Variants in ZBP1 observed in about 807,000 individuals in gnomAD.
ZBP1 encodes Z-DNA-binding protein 1.
In ZBP1, 42 loss-of-function variants were observed where a neutral mutation model predicts 41.1. The observed-to-expected ratio is 1.02, with a 90% CI of 0.80 to 1.32. The LOEUF is 1.32. ZBP1 is among the 40% of genes most tolerant of loss of function. The pLI is 0.00. For missense variants in ZBP1, 562 were observed against 549.7 expected, an observed-to-expected ratio of 1.02 and a Z score of -0.22; for synonymous variants, 214 against 205.2, an observed-to-expected ratio of 1.04 and a Z score of -0.37.
Position 57,610,568 on chromosome 20 carries a change from T to C in ZBP1, c.875-201A>G. 1 of 612,648 alleles carries C rather than the reference T, an allele frequency of 1.6e-6. No homozygotes were observed. Among genetic ancestry groups the C allele is most frequent in the Non-Finnish European group, 2.9e-6 (1 of 346,584 alleles). 38.0% of individuals were successfully genotyped at this position (612,648 alleles called of 1,614,324 possible). A position where few individuals can be genotyped will look rare whatever the true frequency, so the allele number is the denominator to read the frequency against. On this transcript the variant is annotated intron_variant, in intron 6 of 7. Transcript: ENST00000371173. The surrounding 1 kb of genome is among the most constrained non-coding windows in gnomAD (Gnocchi z 5.5). ...GCTGTTGTGCTGTCTGGGAAGCGTCTTTCTGCTCCACTGATCCCGCAGTGG... is the reference window on the plus strand; with the variant it reads ...GCTGTTGTGCTGTCTGGGAAGCGTCCTTCTGCTCCACTGATCCCGCAGTGG...
intron 1 of ZBP1, among the ~76,000 whole-genome samples, chr20:57,619,308 A>G (rs1568943345): frequency 6.6e-6 from 1 of 152,176 alleles, no homozygotes; most frequent in Non-Finnish European, 1.5e-5. Flanking sequence ...GCCAACTACT[A>G]GCTGTGTGAC....
chr20:57,610,467 A>C lies in ZBP1; in HGVS notation c.875-100T>G. On this transcript the variant is annotated intron_variant, in intron 6 of 7. Transcript: ENST00000371173. This position sits in a 1 kb window ranked among gnomAD's most constrained non-coding sequence, Gnocchi z 5.5. Reference sequence around the variant, plus strand: ...GTTCACCCTCCTCCCCAGATCTCCCACCAGTGGCCCACACCATCCCAGGAG... The same window carrying C: ...GTTCACCCTCCTCCCCAGATCTCCCCCCAGTGGCCCACACCATCCCAGGAG... The C allele has an allele frequency of 7.8e-7, 1 of 1,286,116 alleles. No homozygotes were observed. The allele number at this position is 1,286,116 out of a possible 1,614,324, so 79.7% of individuals were successfully genotyped here.
chr20:57,606,912 T>A (rs1009853956), intron 7 of ZBP1: 8 of 857,454 alleles, frequency 9.3e-6, no homozygotes, highest in Admixed American at 4.8e-5. Flanking sequence ...CAAAAAAAAA[T>A]TTTTTTTTTA....
chr20:57,619,929 C>T (rs140542508), intron 1 of ZBP1, among the ~76,000 whole-genome samples: 1 of 151,974 alleles, frequency 6.6e-6, no homozygotes, highest in East Asian at 1.9e-4. Context: ...TTCCACCTCC[C>T]GGGTTCAAGC....
chr20:57,605,822 G>T (rs6025656), intron 7 of ZBP1, among the ~76,000 whole-genome samples: 90,742 of 151,958 alleles, frequency 0.6, 27,685 homozygotes, highest in African/African-American at 0.72. Flanking sequence ...TAATCACAGC[G>T]ACCCAGGAGG....
chr20:57,611,860 A>G lies in ZBP1; in HGVS notation c.741T>C (p.Asp247=). Reference sequence around the variant, plus strand: ...TGTGGATGTCCTGGGGCCCCCAGGGATCAACTAGGGTCCCCCAAGTTGAGG... The same window carrying G: ...TGTGGATGTCCTGGGGCCCCCAGGGGTCAACTAGGGTCCCCCAAGTTGAGG... ...GDSSTWGTLV[D]PWGPQDIHME... Residue 247 remains aspartate (D), a synonymous_variant, in exon 6 of 8, where the codon GAT becomes GAC. Transcript: ENST00000371173. The G allele has an allele frequency of 6.3e-7, 1 of 1,590,194 alleles. No individual in the cohort carries two copies. The highest frequency in any genetic ancestry group is 1.3e-5 in the African/African-American group (1 of 74,696).
intron 7 of ZBP1, among the ~76,000 whole-genome samples, chr20:57,607,761 C>T (rs2070533234): frequency 6.6e-6 from 1 of 152,186 alleles, no homozygotes; most frequent in Admixed American, 6.5e-5. Flanking sequence ...AAGACCTCCA[C>T]CAGCATAGAG....
rs532857004 is a variant in ZBP1, at chr20:57,612,810, A to G, written c.670+353T>C. ...GTAGCATTCCGCGGAGGGAAAGGCA[A>G]TTGAGTTGTTTCTCATGAAAAACAC... On this transcript the variant is annotated intron_variant, in intron 5 of 7. Coordinates refer to ENST00000371173, the MANE Select transcript of ZBP1 (RefSeq NM_030776.3). 3.7e-6 allele frequency: 3 copies of G among 816,016 alleles called. No individual in the cohort carries two copies. In the South Asian group the frequency reaches 1.1e-4, roughly 29 times the overall value. 50.5% of individuals were successfully genotyped at this position (816,016 alleles called of 1,614,324 possible). A position where few individuals can be genotyped will look rare whatever the true frequency, so the allele number is the denominator to read the frequency against.
In ZBP1 at chr20:57,610,441, G is replaced by GGTTCACCCTCCTCCCCA; in HGVS notation, c.875-91_875-75dup. On this transcript the variant is annotated intron_variant, in intron 6 of 7. Coordinates refer to ENST00000371173, the MANE Select transcript of ZBP1 (RefSeq NM_030776.3). This position sits in a 1 kb window ranked among gnomAD's most constrained non-coding sequence, Gnocchi z 5.5. ...GGCCGGGAACCCTGACCCCCAGCCT[G>GGTTCACCCTCCTCCCCA]GTTCACCCTCCTCCCCAGATCTCCC... is the stretch of plus-strand genomic sequence containing the variant. 1 of 1,519,786 alleles carries GGTTCACCCTCCTCCCCA rather than the reference G, an allele frequency of 6.6e-7. No homozygotes were observed. The highest frequency in any genetic ancestry group is 9.1e-7 in the Non-Finnish European group (1 of 1,100,660). 94.1% of individuals were successfully genotyped at this position (1,519,786 alleles called of 1,614,324 possible).
intron 3 of ZBP1, 177 bp from the exon 4 acceptor site, chr20:57,615,237 G>A: frequency 1.3e-6 from 1 of 747,618 alleles, no homozygotes; most frequent in Non-Finnish European, 2.2e-6. Context: ...CCTGAGGGTG[G>A]GGGATGTGCA....
At chr20:57,608,451 G>A (rs1418284704) in intron 7 of ZBP1, among the ~76,000 whole-genome samples, 1 of 152,234 alleles carries the variant, frequency 6.6e-6, no homozygotes, top group Non-Finnish European at 1.5e-5. Context: ...ACACAGTGCT[G>A]TGTTCTTTCC....
chr20:57,607,302 T>G (rs2070522310), intron 7 of ZBP1: 1 of 1,294,580 alleles, frequency 7.7e-7, no homozygotes, highest in Non-Finnish European at 1.0e-6. Flanking sequence ...AGGCAGCAAC[T>G]GCAAATGTGG....
chr20:57,615,182 T>C (rs755623772), intron 3 of ZBP1, 122 bp from the exon 4 acceptor site: 1 of 1,101,116 alleles, frequency 9.1e-7, no homozygotes, highest in South Asian at 1.5e-5. Context: ...ATCTGTAAAA[T>C]GGGTGTCATG....
At position 57,610,782 on chromosome 20, in the gene ZBP1, A is replaced by G. The variant is rs925096463; in HGVS notation, c.875-415T>C. 2 of 254,936 alleles carry G rather than the reference A, an allele frequency of 7.8e-6. No individual in the cohort carries two copies. The highest frequency in any genetic ancestry group is 1.5e-5 in the Non-Finnish European group (2 of 129,696). 15.8% of individuals were successfully genotyped at this position (254,936 alleles called of 1,614,324 possible). A position where few individuals can be genotyped will look rare whatever the true frequency, so the allele number is the denominator to read the frequency against. Reference sequence around the variant, plus strand: ...TCTGGCTCTGCCCTTTCCCACCCAAACTTCTGAAGAATCATCCACACTGAG... The same window carrying G: ...TCTGGCTCTGCCCTTTCCCACCCAAGCTTCTGAAGAATCATCCACACTGAG... On this transcript the variant is annotated intron_variant, in intron 6 of 7. Transcript: ENST00000371173. The surrounding 1 kb of genome is among the most constrained non-coding windows in gnomAD (Gnocchi z 5.5).
Position 57,610,603 on chromosome 20 carries a change from A to C in ZBP1, c.875-236T>G. 1.7e-6 allele frequency: 1 copy of C among 580,526 alleles called. No homozygotes were observed. Among genetic ancestry groups the C allele is most frequent in the Non-Finnish European group, 3.1e-6 (1 of 324,996 alleles). The allele number at this position is 580,526 out of a possible 1,614,324, so 36.0% of individuals were successfully genotyped here. ...ACTGATCCCGCAGTGGGTCTGCCCCACTGATCCCGCCCGGCTGATCTGGAC... is the reference window on the plus strand; with the variant it reads ...ACTGATCCCGCAGTGGGTCTGCCCCCCTGATCCCGCCCGGCTGATCTGGAC... On this transcript the variant is annotated intron_variant, in intron 6 of 7. Transcript: ENST00000371173. This position sits in a 1 kb window ranked among gnomAD's most constrained non-coding sequence, Gnocchi z 5.5.
intron 3 of ZBP1, 125 bp downstream of exon 3, chr20:57,615,387 G>T: frequency 9.8e-7 from 1 of 1,019,012 alleles, no homozygotes; most frequent in Non-Finnish European, 1.5e-6. Context: ...CTGTATGGGA[G>T]CTGCCTGGTG....
chr20:57,613,032 G>T lies in ZBP1; in HGVS notation c.670+131C>A. On this transcript the variant is annotated intron_variant, in intron 5 of 7. Transcript: ENST00000371173. This position sits in a 1 kb window ranked among gnomAD's most constrained non-coding sequence, Gnocchi z 4.5. Reference sequence around the variant, plus strand: ...GACGGCCGTAAAGGTGGACTGTGGGGGTCTGGAAGCAACCCTTTCCCCTTG... The same window carrying T: ...GACGGCCGTAAAGGTGGACTGTGGGTGTCTGGAAGCAACCCTTTCCCCTTG... The T allele has an allele frequency of 6.6e-7, 1 of 1,520,450 alleles. No individual in the cohort carries two copies. 94.2% of individuals were successfully genotyped at this position (1,520,450 alleles called of 1,614,324 possible). A position where few individuals can be genotyped will look rare whatever the true frequency, so the allele number is the denominator to read the frequency against.
At chr20:57,609,019 C>T (rs543579634) in intron 7 of ZBP1, among the ~76,000 whole-genome samples, 2 of 152,352 alleles carry the variant, frequency 1.3e-5, no homozygotes, top group African/African-American at 4.8e-5. Context: ...CCCTCTCCTG[C>T]TCAAAGCCCC....
intron 7 of ZBP1, among the ~76,000 whole-genome samples, chr20:57,605,936 A>AAAATAAAT (rs574394663): frequency 2.0e-4 from 31 of 152,196 alleles, no homozygotes; most frequent in African/African-American, 7.2e-4. Flanking sequence ...CTCCATCTCA[A>AAAATAAAT]AAATAAATAA....
Sources: gnomAD v4.1 joint callset for allele counts (sites outside exome capture counted in the v4.1 genomes callset) on GRCh38, gnomAD v4.1.1 for gene constraint, Gnocchi (gnomAD v3.1) non-coding constraint, MANE v1.5 for transcripts, NCBI Gene and HGNC (gene_info 2026-07-23, HGNC 2026-07-21) for gene names.